Variants in RPTOR observed in about 807,000 individuals in gnomAD.
RPTOR encodes regulatory associated protein of MTOR complex 1.
In RPTOR, 21 loss-of-function variants were observed where a neutral mutation model predicts 169.9. The ratio of observed to expected loss-of-function variants is 0.12; its 90% CI spans 0.09 to 0.18. RPTOR has a LOEUF of 0.18. Ranked by LOEUF, RPTOR falls within the 10% of genes least tolerant of loss-of-function variation. The pLI is 1.00. For synonymous variants in RPTOR, 732 were observed against 753.2 expected (o/e 0.97, Z 0.46); for missense variants, 1,133 against 1,855.9 (o/e 0.61, Z 7.16).
intron 3 of RPTOR, among the ~76,000 whole-genome samples, chr17:80,705,993 C>A (rs1046228825): frequency 8.5e-5 from 13 of 152,162 alleles, no homozygotes; most frequent in Non-Finnish European, 1.6e-4. Flanking sequence ...CTCCCCTGCA[C>A]GTTCCAAACA....
At chr17:80,586,383 G>A (rs1337440693) in intron 1 of RPTOR, among the ~76,000 whole-genome samples, 1 of 152,132 alleles carries the variant, frequency 6.6e-6, no homozygotes, top group Non-Finnish European at 1.5e-5. Context: ...CACAGGTCAT[G>A]GATTGGGGAA....
intron 1 of RPTOR, chr17:80,602,900 C>T: frequency 2.1e-6 from 1 of 465,606 alleles, no homozygotes; most frequent in Non-Finnish European, 4.0e-6. Flanking sequence ...CGTTTTTCTT[C>T]TCGCCATCCT....
intron 6 of RPTOR, among the ~76,000 whole-genome samples, chr17:80,785,218 G>A (rs974060280): frequency 5.9e-5 from 9 of 152,068 alleles, no homozygotes; most frequent in Non-Finnish European, 8.8e-5. Flanking sequence ...TCTCTGTCCC[G>A]CTCATTACAA....
In RPTOR at chr17:80,724,296, G is replaced by C. The variant is rs773080552; in HGVS notation, c.508-6264G>C. On this transcript the variant is annotated intron_variant, in intron 4 of 33. Coordinates refer to ENST00000306801, the MANE Select transcript of RPTOR (RefSeq NM_020761.3). ...GTCCTGAGAGGTGGGGGCCATGAGT[G>C]CCAGGATGGAAGGGTCAGGAGAGAG... Among the ~76,000 whole-genome samples, 50 of 151,182 alleles carry C rather than the reference G, an allele frequency of 3.3e-4. 2 individuals carry two copies. The highest frequency in any genetic ancestry group is 5.4e-4 in the Non-Finnish European group (37 of 68,034).
In RPTOR at chr17:80,725,566, A is replaced by G. The variant is rs2066324990; in HGVS notation, c.508-4994A>G. 2.0e-5 allele frequency among the ~76,000 whole-genome samples: 3 copies of G among 152,200 alleles called. No individual in the cohort carries two copies. In the South Asian group the frequency reaches 6.2e-4, roughly 32 times the overall value. On this transcript the variant is annotated intron_variant, in intron 4 of 33. Transcript: ENST00000306801. ...TGTGGGTTGGTGCAGTCAGGATGACAGAGGAATATTCCACAGGACAACGAG... is the reference window on the plus strand; with the variant it reads ...TGTGGGTTGGTGCAGTCAGGATGACGGAGGAATATTCCACAGGACAACGAG...
intron 11 of RPTOR, among the ~76,000 whole-genome samples, chr17:80,853,837 C>T (rs965807486): frequency 6.6e-5 from 10 of 152,066 alleles, no homozygotes; most frequent in East Asian, 5.8e-4. Flanking sequence ...ATAAATTAGC[C>T]GGTCATGGTG....
At chr17:80,604,211 C>T (rs768077260) in intron 1 of RPTOR, among the ~76,000 whole-genome samples, 2 of 152,170 alleles carry the variant, frequency 1.3e-5, no homozygotes, top group African/African-American at 2.4e-5. Context: ...CAGTTGTAGT[C>T]ACAAAGGGGA....
At chr17:80,893,937 C>G in intron 20 of RPTOR, 72 bp downstream of exon 20, 3 of 1,406,164 alleles carry the variant, frequency 2.1e-6, no homozygotes, top group Non-Finnish European at 1.9e-6. Flanking sequence ...CAGCACAGAC[C>G]TGTGTCTGCA....
chr17:80,730,789 G>A lies in RPTOR; in HGVS notation c.654+83G>A, dbSNP rs568519636. On this transcript the variant is annotated intron_variant, in intron 5 of 33. Transcript: ENST00000306801. This position sits in a 1 kb window ranked among gnomAD's most constrained non-coding sequence, Gnocchi z 4.2. ...TGGGGTTTGGGTGGGGAGGTTGGGAGGTGTTGGACATCCTCTGAATGGAGC... is the reference window on the plus strand; with the variant it reads ...TGGGGTTTGGGTGGGGAGGTTGGGAAGTGTTGGACATCCTCTGAATGGAGC... 3.2e-6 allele frequency: 4 copies of A among 1,233,918 alleles called. No homozygotes were observed. Among genetic ancestry groups the A allele is most frequent in the African/African-American group, 2.8e-5 (2 of 70,624 alleles). The allele number at this position is 1,233,918 out of a possible 1,614,324, so 76.4% of individuals were successfully genotyped here.
chr17:80,686,941 A>T (rs2065952465), intron 3 of RPTOR, among the ~76,000 whole-genome samples: 1 of 151,948 alleles, frequency 6.6e-6, no homozygotes. Context: ...AGCTTATTGC[A>T]TCTATCAGTT....
chr17:80,798,968 TTAAAACGTACACAGTC>T (rs2067128765), intron 7 of RPTOR, among the ~76,000 whole-genome samples: 1 of 152,156 alleles, frequency 6.6e-6, no homozygotes. Context: ...CACACCTACA[TTAAAACGTACACAGTC>T]ATCCATCACG....
intron 7 of RPTOR, among the ~76,000 whole-genome samples, chr17:80,793,306 G>A (rs1323474902): frequency 6.6e-6 from 1 of 152,134 alleles, no homozygotes; most frequent in Admixed American, 6.5e-5. Flanking sequence ...CAGATAAAGG[G>A]ACACTTAACC....
intron 1 of RPTOR, among the ~76,000 whole-genome samples, chr17:80,620,902 G>A (rs899002950): frequency 1.3e-5 from 2 of 152,224 alleles, no homozygotes; most frequent in Non-Finnish European, 2.9e-5. Context: ...AGTTAAATTG[G>A]TAGCTAGATA....
At chr17:80,684,585 C>CA (rs1331643635) in intron 3 of RPTOR, among the ~76,000 whole-genome samples, 8 of 152,124 alleles carry the variant, frequency 5.3e-5, no homozygotes, top group African/African-American at 1.7e-4. Context: ...GCTGGGACTA[C>CA]AGACGCCCAC....
At chr17:80,626,503 G>A (rs1381540741) in intron 2 of RPTOR, among the ~76,000 whole-genome samples, 1 of 152,070 alleles carries the variant, frequency 6.6e-6, no homozygotes, top group Non-Finnish European at 1.5e-5. Context: ...AATGGATCAT[G>A]GCCCATAATA....
intron 1 of RPTOR, among the ~76,000 whole-genome samples, chr17:80,565,162 C>G (rs1244925923): frequency 6.6e-6 from 1 of 152,158 alleles, no homozygotes; most frequent in Non-Finnish European, 1.5e-5. Flanking sequence ...TTGCCAATAC[C>G]TGGAACGCAT....
intron 7 of RPTOR, among the ~76,000 whole-genome samples, chr17:80,792,021 GC>G: frequency 6.6e-6 from 1 of 152,152 alleles, no homozygotes; most frequent in Non-Finnish European, 1.5e-5. Context: ...AATGGCACTT[GC>G]CTCCCATAAT....
chr17:80,630,702 G>A (rs2065435419), intron 2 of RPTOR, among the ~76,000 whole-genome samples: 1 of 152,204 alleles, frequency 6.6e-6, no homozygotes, highest in African/African-American at 2.4e-5. Flanking sequence ...GCTACGGCCT[G>A]GCCCAGTGGA....
intron 5 of RPTOR, among the ~76,000 whole-genome samples, chr17:80,731,571 CAG>C (rs1567880261): frequency 6.6e-6 from 1 of 152,172 alleles, no homozygotes; most frequent in East Asian, 1.9e-4. Flanking sequence ...TTGAATTAAA[CAG>C]TGAATTCTGA....
Sources: gnomAD v4.1 joint callset for allele counts (sites outside exome capture counted in the v4.1 genomes callset) on GRCh38, gnomAD v4.1.1 for gene constraint, Gnocchi (gnomAD v3.1) non-coding constraint, MANE v1.5 for transcripts, NCBI Gene and HGNC (gene_info 2026-07-23, HGNC 2026-07-21) for gene names.